The following ZNF385D variants were observed in gnomAD, a reference collection of about 807,000 sequenced individuals.
The protein encoded by ZNF385D is zinc finger protein 659.
Under a neutral mutation model 35.8 loss-of-function variants are expected in ZNF385D, and 15 were observed. The ratio of observed to expected loss-of-function variants is 0.42; its 90% CI spans 0.28 to 0.64. The LOEUF (loss-of-function observed/expected upper bound fraction) is 0.64. Among genes scored for constraint, ZNF385D ranks in the 30% least tolerant of loss-of-function variants. The pLI is 0.23. For missense variants in ZNF385D, 474 were observed against 494.6 expected, an observed-to-expected ratio of 0.96 and a Z score of 0.39; for synonymous variants, 212 against 186.8, an observed-to-expected ratio of 1.13 and a Z score of -1.10.
upstream of ZNF385D, among the ~76,000 whole-genome samples, chr3:21,755,229 G>A (rs1279788979): frequency 3.9e-5 from 6 of 152,220 alleles, no homozygotes; most frequent in East Asian, 9.6e-4. Flanking sequence ...ATTGTATCCA[G>A]TGTTCCTGAT....
chr3:22,334,615 A>G (rs1192624552), intron 2 of ZNF385D, among the ~76,000 whole-genome samples: 1 of 152,062 alleles, frequency 6.6e-6, no homozygotes, highest in African/African-American at 2.4e-5. Context: ...GTTGAATTAT[A>G]TTTTCTTAGG....
chr3:22,370,969 C>T (rs1696875698), intron 2 of ZNF385D, among the ~76,000 whole-genome samples: 1 of 152,170 alleles, frequency 6.6e-6, no homozygotes, highest in Non-Finnish European at 1.5e-5. Context: ...TGAGATAATA[C>T]ATTAACTCAA....
At chr3:21,781,636 T>C (rs1317349375) in intron 3 of ZNF385D, among the ~76,000 whole-genome samples, 1 of 152,084 alleles carries the variant, frequency 6.6e-6, no homozygotes, top group African/African-American at 2.4e-5. Flanking sequence ...GGCCAAAGAA[T>C]GAGTAAGATT....
chr3:22,188,717 TGAGATTACAGGCATGAGCCACC>T (rs1211916547), intron 2 of ZNF385D, among the ~76,000 whole-genome samples: 1 of 152,212 alleles, frequency 6.6e-6, no homozygotes, highest in Non-Finnish European at 1.5e-5. Flanking sequence ...CCCAAAGTGC[TGAGATTACAGGCATGAGCCACC>T]GCGCCCAGCC....
Position 22,020,206 on chromosome 3 carries a change from G to A in ZNF385D, c.325+148611C>T, listed in dbSNP as rs1030458221. Among the ~76,000 whole-genome samples the A allele has an allele frequency of 2.6e-5, 4 of 151,950 alleles. No homozygotes were observed. In the East Asian group the frequency reaches 5.8e-4, roughly 22 times the overall value. On this transcript the variant is annotated intron_variant, in intron 3 of 5. Transcript: ENST00000494108. ...CAAGGAATTCTTAAAGTGGTGTGGG[G>A]TACAGAATAATGACTGGGAGTTATA...
chr3:21,473,271 G>C (rs1310425878), intron 4 of ZNF385D, among the ~76,000 whole-genome samples: 1 of 151,962 alleles, frequency 6.6e-6, no homozygotes, highest in Admixed American at 6.6e-5. Flanking sequence ...TGGTGGTCTG[G>C]CTCAGCACCC....
intron 2 of ZNF385D, among the ~76,000 whole-genome samples, chr3:21,577,526 G>A (rs183684437): frequency 6.6e-6 from 1 of 152,302 alleles, no homozygotes; most frequent in Admixed American, 6.5e-5. Flanking sequence ...TATATACCGA[G>A]TAGTGGAATT....
intron 2 of ZNF385D, among the ~76,000 whole-genome samples, chr3:22,237,218 C>T (rs984397113): frequency 1.3e-5 from 2 of 151,978 alleles, no homozygotes; most frequent in Non-Finnish European, 2.9e-5. Context: ...TACAGCCATT[C>T]TCTGTAGTAT....
At chr3:21,935,494 G>A (rs1280601580) in intron 3 of ZNF385D, among the ~76,000 whole-genome samples, 3 of 152,134 alleles carry the variant, frequency 2.0e-5, no homozygotes, top group African/African-American at 4.8e-5. Flanking sequence ...AGATAGTTAA[G>A]TCACATGCTA....
intron 3 of ZNF385D, among the ~76,000 whole-genome samples, chr3:21,780,473 A>C (rs759146348): frequency 6.6e-6 from 1 of 151,996 alleles, no homozygotes; most frequent in Non-Finnish European, 1.5e-5. Flanking sequence ...TGGATACGAC[A>C]TGCATCTGTA....
chr3:21,851,606 C>A (rs77343950), intron 3 of ZNF385D, among the ~76,000 whole-genome samples: 5,829 of 151,966 alleles, frequency 0.038, 388 homozygotes, highest in African/African-American at 0.13. Context: ...AAGAAAATAT[C>A]TTGTGGTCAT....
chr3:21,838,548 C>A (rs1328670887), intron 3 of ZNF385D, among the ~76,000 whole-genome samples: 1 of 152,050 alleles, frequency 6.6e-6, no homozygotes, highest in Non-Finnish European at 1.5e-5. Flanking sequence ...AAATTCCCAA[C>A]AGCCACTAAA....
chr3:21,618,576 T>G (rs184874345), intron 2 of ZNF385D, among the ~76,000 whole-genome samples: 3 of 152,330 alleles, frequency 2.0e-5, no homozygotes, highest in African/African-American at 7.2e-5. Context: ...GTCTGAATTA[T>G]CTGTATATCC....
chr3:22,070,389 CCT>C lies in ZNF385D; in HGVS notation c.325+98426_325+98427del, dbSNP rs1360059220. Among the ~76,000 whole-genome samples the C allele has an allele frequency of 2.0e-5, 3 of 152,146 alleles. No individual in the cohort carries two copies. The East Asian group carries it at 5.8e-4, about 29-fold the overall frequency. The stretch of plus-strand genomic sequence containing the variant: ...GTAACCCGCTTTCAAGAAAAACATT[CCT>C]AAGTTGTAAAGCTTTATATTTAATA... On this transcript the variant is annotated intron_variant, in intron 3 of 5. Coordinates refer to the ZNF385D transcript ENST00000494108.
intron 3 of ZNF385D, among the ~76,000 whole-genome samples, chr3:22,028,532 G>T (rs966900700): frequency 6.6e-6 from 1 of 152,306 alleles, no homozygotes; most frequent in South Asian, 2.1e-4. Context: ...GTGGCAGGTT[G>T]ATTATTTCGG....
chr3:22,192,519 T>A (rs1272783696), intron 2 of ZNF385D, among the ~76,000 whole-genome samples: 2 of 152,148 alleles, frequency 1.3e-5, no homozygotes, highest in African/African-American at 4.8e-5. Flanking sequence ...ACTGTTTGTC[T>A]TAGATCATCT....
intron 2 of ZNF385D, among the ~76,000 whole-genome samples, chr3:22,321,402 G>T (rs1694425016): frequency 6.6e-6 from 1 of 151,838 alleles, no homozygotes; most frequent in South Asian, 2.1e-4. Flanking sequence ...TTTCACTCTT[G>T]TTGCCCAGGC....
intron 3 of ZNF385D, among the ~76,000 whole-genome samples, chr3:21,856,504 A>C (rs1385901722): frequency 6.6e-6 from 1 of 152,066 alleles, no homozygotes; most frequent in Non-Finnish European, 1.5e-5. Context: ...TGATCTTTTC[A>C]AAATCGGCTG....
chr3:21,891,753 G>T (rs1043273475), intron 3 of ZNF385D, among the ~76,000 whole-genome samples: 1 of 152,180 alleles, frequency 6.6e-6, no homozygotes, highest in Non-Finnish European at 1.5e-5. Flanking sequence ...AATTAATGAG[G>T]TGGTAGTCTA....
Sources: allele counts gnomAD v4.1 joint callset (sites outside exome capture counted in the v4.1 genomes callset), GRCh38; gene constraint gnomAD v4.1.1; transcripts MANE v1.5; gene names NCBI Gene and HGNC (gene_info 2026-07-23, HGNC 2026-07-21).